LYSMD1: variants seen among roughly 807,000 people sequenced by gnomAD.
The protein encoded by LYSMD1 is lysM and putative peptidoglycan-binding domain-containing protein 1.
Under a neutral mutation model 19.3 loss-of-function variants are expected in LYSMD1, and 9 were observed. The observed-to-expected ratio is 0.47, with a 90% CI of 0.28 to 0.81. The LOEUF (loss-of-function observed/expected upper bound fraction) is 0.81, where lower values mean the gene tolerates loss of function less well. Among genes scored for constraint, LYSMD1 ranks in the 40% least tolerant of loss-of-function variants. The pLI, the probability that LYSMD1 is intolerant of heterozygous loss-of-function variation, is 0.11. For synonymous variants in LYSMD1, 111 were observed against 111.7 expected (o/e 0.99, Z 0.04); for missense variants, 262 against 279.8 (o/e 0.94, Z 0.45).
chr1:151,158,640 A>C, downstream of LYSMD1: 1 of 1,413,850 alleles, frequency 7.1e-7, no homozygotes, highest in Non-Finnish European at 9.6e-7. Flanking sequence ...CTCTCTTTCT[A>C]AGGAAGCCTG....
chr1:151,164,404 T>G (rs1683580249), intron 1 of LYSMD1, among the ~76,000 whole-genome samples: 1 of 152,184 alleles, frequency 6.6e-6, no homozygotes, highest in Non-Finnish European at 1.5e-5. Flanking sequence ...TTGAGTGAGA[T>G]GGAACAAGAA....
Position 151,165,683 on chromosome 1 carries a change from C to G in LYSMD1, c.-425G>C. On this transcript the variant is annotated 5_prime_UTR_variant, in exon 1 of 3. Coordinates refer to ENST00000368908, the MANE Select transcript of LYSMD1 (RefSeq NM_212551.5). ...TTGCTAGAGTCAGGAACAAATCAGG[C>G]CCACCCCAGGTGAACTGTCGCCGCA... 1 of 1,551,286 alleles carries G rather than the reference C, an allele frequency of 6.4e-7. No individual in the cohort carries two copies. Among genetic ancestry groups the G allele is most frequent in the Non-Finnish European group, 8.7e-7 (1 of 1,146,948 alleles).
the LYSMD1 span, among the ~76,000 whole-genome samples, chr1:151,151,258 C>T: frequency 6.6e-6 from 1 of 151,864 alleles, no homozygotes; most frequent in African/African-American, 2.4e-5. Context: ...GTGGCTCACT[C>T]GGCTCACTGC....
chr1:151,163,923 T>C (rs1683551640), intron 1 of LYSMD1, among the ~76,000 whole-genome samples: 1 of 151,658 alleles, frequency 6.6e-6, no homozygotes, highest in African/African-American at 2.4e-5. Context: ...TCTCACTCTG[T>C]TGCCCAGGCT....
At position 151,165,837 on chromosome 1, in the gene LYSMD1, A is replaced by G; in HGVS notation, c.-579T>C. On this transcript the variant is annotated 5_prime_UTR_variant, in exon 1 of 3. Transcript: ENST00000368908. ...CCACATCTAGGTTGTTGTCCCTCCA[A>G]ACGCCTCAGATCCGCCAAGATGCAA... 1 of 1,404,722 alleles carries G rather than the reference A, an allele frequency of 7.1e-7. No individual in the cohort carries two copies. Among genetic ancestry groups the G allele is most frequent in the Non-Finnish European group, 9.9e-7 (1 of 1,013,038 alleles). 87.0% of individuals were successfully genotyped at this position (1,404,722 alleles called of 1,614,324 possible).
rs369308817 is a variant in LYSMD1, at chr1:151,160,945, C to G, written c.621G>C (p.Pro207=). 1 of 1,614,142 alleles carries G rather than the reference C, an allele frequency of 6.2e-7. No homozygotes were observed. The highest frequency in any genetic ancestry group is 1.1e-5 in the South Asian group (1 of 91,084). The change falls in exon 3 of 3, where the codon CCG becomes CCC. Residue 207 remains proline (P), a synonymous_variant. Transcript: ENST00000368908. ...TCCGGGTCCGAGAGGTACGGGTCAG[C>G]GGCACAGGACCTAGGACTGCTCGTT... ...MQQRAVLGPV[P]LTRTSRTRTL...
chr1:151,162,631 T>C (rs1683494017), intron 1 of LYSMD1, among the ~76,000 whole-genome samples: 1 of 152,174 alleles, frequency 6.6e-6, no homozygotes, highest in Non-Finnish European at 1.5e-5. Flanking sequence ...AATAAATATT[T>C]ATTTTGACCT....
Position 151,160,167 on chromosome 1 carries a change from G to C in LYSMD1, c.*715C>G, listed in dbSNP as rs1417661335. 1 of 137,176 alleles carries C rather than the reference G, an allele frequency of 7.3e-6. No homozygotes were observed. The highest frequency in any genetic ancestry group is 1.5e-5 in the Non-Finnish European group (1 of 65,954). The allele number at this position is 137,176 out of a possible 1,614,324, so 8.5% of individuals were successfully genotyped here. On this transcript the variant is annotated 3_prime_UTR_variant, in exon 3 of 3. Coordinates refer to ENST00000368908, the MANE Select transcript of LYSMD1 (RefSeq NM_212551.5). ...CCCTACAGTGCTGCTTTTTCTCAGA[G>C]TCAAGAATTGTGAAAAAGTTACAGG...
Position 151,165,159 on chromosome 1 carries a change from G to C in LYSMD1, c.100C>G (p.Pro34Ala). The stretch of plus-strand genomic sequence containing the variant: ...TGCTCCAGGCGTCTTTCCCTCACTG[G>C]GGAGCAGGCCGATTGCACCAGGCTT... ...YGSLVQSACS[P>A]VRERRLEHQL... The change falls in exon 1 of 3, where the codon CCA becomes GCA. Residue 34 changes from proline to alanine, a missense_variant. By Grantham distance (27) the Pro-to-Ala change is conservative. Coordinates refer to ENST00000368908, the MANE Select transcript of LYSMD1 (RefSeq NM_212551.5). 2 of 1,614,148 alleles carry C rather than the reference G, an allele frequency of 1.2e-6. No homozygotes were observed. The highest frequency in any genetic ancestry group is 4.5e-5 in the East Asian group (2 of 44,868).
downstream of LYSMD1, chr1:151,156,717 CA>C (rs1248216951): frequency 2.0e-5 from 3 of 152,270 alleles, no homozygotes; most frequent in Admixed American, 2.0e-4. Flanking sequence ...GCACCCAGCA[CA>C]GCAGGTGAGG....
chr1:151,158,559 G>A (rs1024858222), downstream of LYSMD1: 21 of 867,434 alleles, frequency 2.4e-5, no homozygotes, highest in Admixed American at 8.8e-5. Context: ...CCCAGGGGGC[G>A]GAGAGGATGA....
chr1:151,158,481 G>A (rs1291449398), downstream of LYSMD1, among the ~76,000 whole-genome samples: 1 of 152,040 alleles, frequency 6.6e-6, no homozygotes, highest in Non-Finnish European at 1.5e-5. Context: ...GGCTGTTTTG[G>A]AGTCAAGATT....
chr1:151,158,191 TG>T (rs1174199882), downstream of LYSMD1, among the ~76,000 whole-genome samples: 1 of 151,660 alleles, frequency 6.6e-6, no homozygotes, highest in Admixed American at 6.6e-5. Flanking sequence ...GGCGTGGTGG[TG>T]GGTGCCTGTA....
downstream of LYSMD1, chr1:151,159,326 C>A: frequency 7.1e-7 from 1 of 1,406,354 alleles, no homozygotes; most frequent in Non-Finnish European, 9.7e-7. Flanking sequence ...GCTTCCTAAC[C>A]CTGCTCACCT....
intron 1 of LYSMD1, among the ~76,000 whole-genome samples, chr1:151,164,758 A>G (rs1324761970): frequency 6.6e-6 from 1 of 152,214 alleles, no homozygotes; most frequent in Non-Finnish European, 1.5e-5. Flanking sequence ...AAACTGGTTA[A>G]CCAATCCAAG....
At chr1:151,153,355 T>A in the LYSMD1 span, among the ~76,000 whole-genome samples, 1 of 151,552 alleles carries the variant, frequency 6.6e-6, no homozygotes, top group Non-Finnish European at 1.5e-5. Context: ...CAAGACCCTA[T>A]CTCTAAAAAA....
Position 151,165,216 on chromosome 1 carries a change from G to A in LYSMD1, c.43C>T (p.Leu15=). The A allele has an allele frequency of 1.2e-6, 2 of 1,614,130 alleles. No individual in the cohort carries two copies. The highest frequency in any genetic ancestry group is 1.7e-6 in the Non-Finnish European group (2 of 1,179,994). The stretch of plus-strand genomic sequence containing the variant: ...GAACGAGCCCGGCTCCCTTGAAGCA[G>A]TCCTGACCCCCCTGGCGGGGGCTGT... ...SRQPPPGGSG[L]LQGSRARSYG... The change falls in exon 1 of 3, where the codon CTG becomes TTG. Residue 15 remains leucine (L), a synonymous_variant. Transcript: ENST00000368908.
downstream of LYSMD1, chr1:151,159,068 G>A (rs771556944): frequency 1.6e-5 from 26 of 1,613,970 alleles, no homozygotes; most frequent in African/African-American, 1.2e-4. Context: ...ACCGAGTGCC[G>A]GGATGTGCTG....
the LYSMD1 span, among the ~76,000 whole-genome samples, chr1:151,151,231 AC>A: frequency 6.6e-6 from 1 of 151,284 alleles, no homozygotes; most frequent in Admixed American, 6.6e-5. Context: ...TCCCTCTGTC[AC>A]CTAGGCTAGA....
Sources: allele counts gnomAD v4.1 joint callset (sites outside exome capture counted in the v4.1 genomes callset), GRCh38; gene constraint gnomAD v4.1.1; transcripts MANE v1.5; gene names NCBI Gene and HGNC (gene_info 2026-07-23, HGNC 2026-07-21).